ADAT1: variants seen among roughly 807,000 people sequenced by gnomAD.
ADAT1 encodes the protein adenosine deaminase tRNA specific 1, also known as tRNA-specific adenosine deaminase 1.
In ADAT1, 58 loss-of-function variants were observed where a neutral mutation model predicts 58.6. That is an observed-to-expected ratio of 0.99 (90% CI 0.80 to 1.23). The LOEUF (loss-of-function observed/expected upper bound fraction) is 1.23. Among genes scored for constraint, ADAT1 ranks in the 50% most tolerant of loss-of-function variants. The pLI is 0.00. For missense variants in ADAT1, 741 were observed against 608.6 expected (o/e 1.22, Z -2.29); for synonymous variants, 254 against 220.8 (o/e 1.15, Z -1.33).
At chr16:75,603,285 C>A in intron 8 of ADAT1, 114 bp from the exon 9 acceptor site, 3 of 823,102 alleles carry the variant, frequency 3.6e-6, no homozygotes, top group African/African-American at 1.7e-5. Flanking sequence ...CAGAGCCCCT[C>A]ATTTTCACCT....
rs1368030962 is a variant in ADAT1, at chr16:75,620,831, AACC to A, written c.-21-14_-21-12del. The A allele has an allele frequency of 6.3e-7, 1 of 1,592,720 alleles. No homozygotes were observed. Among genetic ancestry groups the A allele is most frequent in the African/African-American group, 1.3e-5 (1 of 74,482 alleles). Reference sequence around the variant, plus strand: ...AGCTGGTATTGAGACCTTGATCAAAAACCACAACCATCAGAAGTACGGAAAGGA... The same window carrying A: ...AGCTGGTATTGAGACCTTGATCAAAAACAACCATCAGAAGTACGGAAAGGA... On this transcript the variant is annotated splice_polypyrimidine_tract_variant and intron_variant, in intron 1 of 9. Coordinates refer to ENST00000564657, the MANE Select transcript of ADAT1 (RefSeq NM_001324445.2).
At position 75,600,571 on chromosome 16, in the gene ADAT1, TAAC is replaced by T. The variant is rs529763001; in HGVS notation, c.1377-226_1377-224del. On this transcript the variant is annotated intron_variant, in intron 9 of 9. Coordinates refer to ENST00000564657, the MANE Select transcript of ADAT1 (RefSeq NM_001324445.2). ...AGGGGTAAAAAACACTCAGGGCGCA[TAAC>T]ATTGCTCCAAGAATGCATTCTCTGC... is the stretch of plus-strand genomic sequence containing the variant. 5.3e-5 allele frequency among the ~76,000 whole-genome samples: 8 copies of T among 152,316 alleles called. No individual in the cohort carries two copies. The East Asian group carries it at 1.5e-3, about 29-fold the overall frequency.
chr16:75,600,173 G>C lies in ADAT1; in HGVS notation c.*43C>G. The stretch of plus-strand genomic sequence containing the variant: ...GACTTGTCCTGCGTGGAGGAAGGCA[G>C]TTCAGGATGAAGGGTCCTGCTACCA... On this transcript the variant is annotated 3_prime_UTR_variant, in exon 10 of 10. Transcript: ENST00000564657. The C allele has an allele frequency of 6.2e-7, 1 of 1,610,428 alleles. No homozygotes were observed. Among genetic ancestry groups the C allele is most frequent in the South Asian group, 1.1e-5 (1 of 90,860 alleles).
chr16:75,619,599 G>A (rs1325703701), intron 3 of ADAT1: 2 of 455,266 alleles, frequency 4.4e-6, no homozygotes, highest in Non-Finnish European at 8.8e-6. Context: ...TCTTGTTGAG[G>A]CCCAAAGCTT....
chr16:75,614,707 A>G (rs2081648626), intron 5 of ADAT1, among the ~76,000 whole-genome samples: 1 of 152,222 alleles, frequency 6.6e-6, no homozygotes, highest in African/African-American at 2.4e-5. Context: ...AAAACTCATA[A>G]GAGCCTGAAG....
chr16:75,601,197 G>A (rs573247536), intron 9 of ADAT1, among the ~76,000 whole-genome samples: 43 of 152,002 alleles, frequency 2.8e-4, no homozygotes, highest in Admixed American at 9.8e-4. Context: ...AAAATTAGCC[G>A]GGCGTGGTGG....
chr16:75,621,919 C>T (rs1462194904), intron 1 of ADAT1, among the ~76,000 whole-genome samples: 1 of 152,098 alleles, frequency 6.6e-6, no homozygotes, highest in Admixed American at 6.6e-5. Context: ...AGGCCGGGCG[C>T]GGTGGCTCAC....
chr16:75,605,467 C>T (rs1305090386), intron 8 of ADAT1, among the ~76,000 whole-genome samples: 2 of 152,124 alleles, frequency 1.3e-5, no homozygotes, highest in African/African-American at 2.4e-5. Flanking sequence ...ATACACATAA[C>T]ATACATAATA....
In ADAT1 at chr16:75,600,031, A is replaced by G; in HGVS notation, c.*185T>C. The G allele has an allele frequency of 7.1e-7, 1 of 1,410,770 alleles. No homozygotes were observed. Among genetic ancestry groups the G allele is most frequent in the East Asian group, 2.5e-5 (1 of 40,056 alleles). The allele number at this position is 1,410,770 out of a possible 1,614,324, so 87.4% of individuals were successfully genotyped here. On this transcript the variant is annotated 3_prime_UTR_variant, in exon 10 of 10. Transcript: ENST00000564657. The stretch of plus-strand genomic sequence containing the variant: ...GTCATTAGTGAGATGCCATTTTAGC[A>G]GAGAGCTACTTCAATCAAGTATAGC...
intron 3 of ADAT1, chr16:75,619,726 C>G (rs1391191533): frequency 2.4e-6 from 1 of 416,174 alleles, no homozygotes; most frequent in East Asian, 7.3e-5. Context: ...GCTTGGCCAG[C>G]ATGGTGAAAC....
Position 75,608,424 on chromosome 16 carries a change from A to G in ADAT1, c.1190-101T>C, listed in dbSNP as rs547857771. On this transcript the variant is annotated intron_variant, in intron 7 of 9. Transcript: ENST00000564657. The stretch of plus-strand genomic sequence containing the variant: ...TTCTCTGACTCTACAGACCCATGAG[A>G]GCTGGATATGATGTCACAGACAATG... The G allele has an allele frequency of 9.3e-5, 93 of 996,372 alleles. 1 individual carries two copies. The highest frequency in any genetic ancestry group is 1.4e-5 in the South Asian group (1 of 70,428). The allele number at this position is 996,372 out of a possible 1,614,324, so 61.7% of individuals were successfully genotyped here. A position where few individuals can be genotyped will look rare whatever the true frequency, so the allele number is the denominator to read the frequency against.
In ADAT1 at chr16:75,612,633, A is replaced by G. The variant is rs1274207675; in HGVS notation, c.653T>C (p.Phe218Ser). Residue 218 changes from phenylalanine to serine, a missense_variant, in exon 6 of 10, where the codon TTT (phenylalanine) becomes TCT (serine). Transcript: ENST00000564657. ...GATTGGGCCACTTTTCTGCTTGCCA[A>G]AACTCTGATGGTGAGCTGCTCCGTT... ...VTNGAAHHQS[F>S]GKQKSGPISP... 3.1e-6 allele frequency: 5 copies of G among 1,613,894 alleles called. 1 individual carries two copies. The highest frequency in any genetic ancestry group is 8.5e-7 in the Non-Finnish European group (1 of 1,179,990).
In ADAT1 at chr16:75,618,580, C is replaced by A; in HGVS notation, c.293+6G>T. 6.3e-7 allele frequency: 1 copy of A among 1,595,518 alleles called. No homozygotes were observed. The highest frequency in any genetic ancestry group is 1.4e-5 in the African/African-American group (1 of 73,946). On this transcript the variant is annotated splice_donor_region_variant and intron_variant, in intron 4 of 9. Transcript: ENST00000564657. ...GCTGAACCATACTCTGGAGATGTGG[C>A]TTTACCTTTGGAAACTCCTTCTGGC...
At chr16:75,615,937 C>T (rs2081700228) in intron 5 of ADAT1, among the ~76,000 whole-genome samples, 1 of 152,036 alleles carries the variant, frequency 6.6e-6, no homozygotes, top group South Asian at 2.1e-4. Context: ...TGAGTGCTGC[C>T]TACCTGTCAT....
intron 6 of ADAT1, among the ~76,000 whole-genome samples, chr16:75,611,483 G>A (rs1283547833): frequency 1.3e-5 from 2 of 151,962 alleles, no homozygotes; most frequent in East Asian, 3.9e-4. Context: ...TCTTCCCAGG[G>A]TCAGGTGATC....
At chr16:75,614,499 T>C (rs1239350507) in intron 5 of ADAT1, among the ~76,000 whole-genome samples, 1 of 152,194 alleles carries the variant, frequency 6.6e-6, no homozygotes, top group Non-Finnish European at 1.5e-5. Context: ...ACATCTGTAA[T>C]CTTTATAACT....
chr16:75,610,535 A>C (rs1374054553), intron 6 of ADAT1, among the ~76,000 whole-genome samples: 1 of 152,126 alleles, frequency 6.6e-6, no homozygotes, highest in Admixed American at 6.5e-5. Flanking sequence ...GGACTCAAGC[A>C]ATCTGCGTGA....
intron 3 of ADAT1, among the ~76,000 whole-genome samples, chr16:75,619,221 G>A (rs1410768783): frequency 6.6e-6 from 1 of 152,104 alleles, no homozygotes; most frequent in Non-Finnish European, 1.5e-5. Flanking sequence ...GCTAGAAGAG[G>A]TAAAGACCCC....
chr16:75,604,005 G>A (rs1018911525), intron 8 of ADAT1, among the ~76,000 whole-genome samples: 9 of 152,150 alleles, frequency 5.9e-5, no homozygotes, highest in Non-Finnish European at 1.0e-4. Context: ...GGAACCCTGA[G>A]CACTCAGACA....
Sources: gnomAD v4.1 joint callset for allele counts (sites outside exome capture counted in the v4.1 genomes callset) on GRCh38, gnomAD v4.1.1 for gene constraint, MANE v1.5 for transcripts, NCBI Gene and HGNC (gene_info 2026-07-23, HGNC 2026-07-21) for gene names.